Variants in KLF12 observed in about 807,000 individuals in gnomAD.
The protein encoded by KLF12 is Krueppel-like factor 12.
A neutral mutation model predicts 37.8 loss-of-function variants in KLF12; 9 were observed. The ratio of observed to expected loss-of-function variants is 0.24; its 90% CI spans 0.14 to 0.42. KLF12 has a LOEUF of 0.42. Among genes scored for constraint, KLF12 ranks in the 10% least tolerant of loss-of-function variants. The probability of loss-of-function intolerance (pLI) is 1.00; values close to 1 mark genes in which losing one functional copy is unlikely to be tolerated. For missense variants in KLF12, 411 were observed against 516.0 expected, an observed-to-expected ratio of 0.80 and a Z score of 1.97; for synonymous variants, 208 against 202.1, an observed-to-expected ratio of 1.03 and a Z score of -0.25.
chr13:73,915,282 A>G (rs539589071), intron 3 of KLF12, among the ~76,000 whole-genome samples: 1 of 152,300 alleles, frequency 6.6e-6, no homozygotes, highest in African/African-American at 2.4e-5. Context: ...AATCCTCAAC[A>G]TAATTGCATC....
chr13:74,044,759 C>T (rs989213622), intron 1 of KLF12, among the ~76,000 whole-genome samples: 7 of 151,614 alleles, frequency 4.6e-5, no homozygotes, highest in Admixed American at 6.6e-5. Flanking sequence ...GCAAGGGATT[C>T]GCTTGAACCC....
chr13:74,299,606 C>T, the KLF12 span, among the ~76,000 whole-genome samples: 3 of 152,110 alleles, frequency 2.0e-5, no homozygotes, highest in Admixed American at 6.6e-5. Context: ...AATACTTTCC[C>T]CCCTTTTTAT....
At chr13:73,995,170 A>T (rs1448033714) in intron 1 of KLF12, 117 bp from the exon 2 acceptor site, 1 of 658,458 alleles carries the variant, frequency 1.5e-6, no homozygotes, top group African/African-American at 1.8e-5. Context: ...GTGATCATAG[A>T]GCTGAGGAAT....
At chr13:73,867,414 G>GTGTA (rs375372722) in intron 3 of KLF12, among the ~76,000 whole-genome samples, 121 of 148,278 alleles carry the variant, frequency 8.2e-4, no homozygotes, top group South Asian at 5.1e-3. Flanking sequence ...ACGTGTGTGT[G>GTGTA]TATATATATA....
At position 73,907,448 on chromosome 13, in the gene KLF12, G is replaced by A. The variant is rs115889089; in HGVS notation, c.123+36533C>T. On this transcript the variant is annotated intron_variant, in intron 3 of 7. Transcript: ENST00000377669. ...CTGCCTACTTTCAAAACCCAGCTCAGACCCACTTTCCTTCATGTAACTTTC... is the reference window on the plus strand; with the variant it reads ...CTGCCTACTTTCAAAACCCAGCTCAAACCCACTTTCCTTCATGTAACTTTC... Among the ~76,000 whole-genome samples, 508 of 152,166 alleles carry A rather than the reference G, an allele frequency of 3.3e-3. 6 individuals are homozygous for A. The highest frequency in any genetic ancestry group is 0.012 in the African/African-American group (481 of 41,502).
the KLF12 span, among the ~76,000 whole-genome samples, chr13:74,220,209 T>G: frequency 6.6e-6 from 1 of 152,214 alleles, no homozygotes; most frequent in Non-Finnish European, 1.5e-5. Context: ...TGTTTTAAGT[T>G]ATTAATTTTG....
chr13:73,708,087 A>G (rs535919208), intron 7 of KLF12, among the ~76,000 whole-genome samples: 1 of 152,348 alleles, frequency 6.6e-6, no homozygotes, highest in East Asian at 1.9e-4. Flanking sequence ...TCATAAAGGT[A>G]GGGAAGATCA....
chr13:74,110,200 T>C (rs929637764), intron 1 of KLF12, among the ~76,000 whole-genome samples: 3 of 152,184 alleles, frequency 2.0e-5, no homozygotes, highest in South Asian at 2.1e-4. Flanking sequence ...CTCTGCCCTA[T>C]ACACACCCAA....
chr13:73,861,616 C>T (rs1327164291), intron 3 of KLF12, among the ~76,000 whole-genome samples: 1 of 152,132 alleles, frequency 6.6e-6, no homozygotes, highest in Non-Finnish European at 1.5e-5. Context: ...TAAAGAAACC[C>T]TGGATTAAGC....
intron 6 of KLF12, among the ~76,000 whole-genome samples, chr13:73,738,218 C>T (rs997462189): frequency 6.7e-6 from 1 of 148,806 alleles, no homozygotes; most frequent in African/African-American, 2.5e-5. Context: ...GATCTCAGCT[C>T]ACTGCAACCT....
chr13:73,947,955 A>T (rs1890503916), intron 2 of KLF12, among the ~76,000 whole-genome samples: 1 of 152,200 alleles, frequency 6.6e-6, no homozygotes, highest in African/African-American at 2.4e-5. Flanking sequence ...TAGCTAGGCA[A>T]TACTCAACAG....
chr13:73,887,191 A>G (rs961089825), intron 3 of KLF12, among the ~76,000 whole-genome samples: 9 of 152,162 alleles, frequency 5.9e-5, no homozygotes, highest in Non-Finnish European at 1.5e-5. Context: ...TAATCTAGAT[A>G]GTCTAATCTA....
chr13:74,127,174 G>A (rs943119275), intron 1 of KLF12, among the ~76,000 whole-genome samples: 1 of 152,158 alleles, frequency 6.6e-6, no homozygotes, highest in Non-Finnish European at 1.5e-5. Flanking sequence ...CGGCCTGAAT[G>A]GCAGCTTTTA....
intron 2 of KLF12, among the ~76,000 whole-genome samples, chr13:73,947,584 G>A (rs1350263935): frequency 6.8e-6 from 1 of 148,138 alleles, no homozygotes; most frequent in Non-Finnish European, 1.5e-5. Context: ...CCGGGAGGCA[G>A]AGGTTGCTGT....
At chr13:73,932,181 G>A (rs1036839316) in intron 3 of KLF12, among the ~76,000 whole-genome samples, 7 of 152,096 alleles carry the variant, frequency 4.6e-5, no homozygotes, top group African/African-American at 1.7e-4. Context: ...ACAAGAATAT[G>A]GCAATGAAAC....
chr13:73,792,971 TTTAA>T (rs1440908910), intron 5 of KLF12, among the ~76,000 whole-genome samples: 1 of 152,196 alleles, frequency 6.6e-6, no homozygotes, highest in Admixed American at 6.5e-5. Flanking sequence ...CTGCCTGACG[TTTAA>T]TTGAGTCTGG....
At chr13:74,016,780 T>C (rs959439620) in intron 1 of KLF12, among the ~76,000 whole-genome samples, 2 of 152,196 alleles carry the variant, frequency 1.3e-5, no homozygotes, top group South Asian at 4.1e-4. Flanking sequence ...TTTAGAAACA[T>C]GCCCTACACT....
At chr13:73,889,217 T>C (rs1250561587) in intron 3 of KLF12, among the ~76,000 whole-genome samples, 1 of 152,114 alleles carries the variant, frequency 6.6e-6, no homozygotes, top group Non-Finnish European at 1.5e-5. Context: ...ATAAGATATT[T>C]AACATTTATA....
At chr13:73,743,289 A>C (rs1320237660) in intron 6 of KLF12, among the ~76,000 whole-genome samples, 1 of 152,186 alleles carries the variant, frequency 6.6e-6, no homozygotes, top group East Asian at 1.9e-4. Flanking sequence ...ATATTCATCT[A>C]TGAATAACAT....
Sources: allele counts gnomAD v4.1 joint callset (sites outside exome capture counted in the v4.1 genomes callset), GRCh38; gene constraint gnomAD v4.1.1; transcripts MANE v1.5; gene names NCBI Gene and HGNC (gene_info 2026-07-23, HGNC 2026-07-21).